Variants in CBLN2 observed in about 807,000 individuals in gnomAD.
CBLN2 encodes the protein cerebellin 2 precursor, also known as cerebellin-2.
Under a neutral mutation model 15.0 loss-of-function variants are expected in CBLN2, and 7 were observed. The ratio of observed to expected loss-of-function variants is 0.47; its 90% confidence interval spans 0.27 to 0.88. The LOEUF (loss-of-function observed/expected upper bound fraction) is 0.88, where lower values mean the gene tolerates loss of function less well. Ranked by LOEUF, CBLN2 falls within the 40% of genes least tolerant of loss-of-function variation. CBLN2 has a pLI of 0.14. For synonymous variants in CBLN2, 149 were observed against 135.2 expected (o/e 1.10, Z -0.71); for missense variants, 242 against 304.5 (o/e 0.79, Z 1.53).
intron 1 of CBLN2, among the ~76,000 whole-genome samples, chr18:72,571,201 T>C (rs2069330294): frequency 6.6e-6 from 1 of 152,166 alleles, no homozygotes; most frequent in South Asian, 2.1e-4. Context: ...TAATACTTAC[T>C]TTAAAGTCTG....
chr18:72,540,976 G>C (rs2069105003), intron 3 of CBLN2, among the ~76,000 whole-genome samples: 1 of 152,176 alleles, frequency 6.6e-6, no homozygotes, highest in Non-Finnish European at 1.5e-5. Context: ...AAAAACAACA[G>C]AAACCAGGCG....
At chr18:72,545,734 G>T (rs1188728834), upstream of CBLN2, among the ~76,000 whole-genome samples, 2 of 152,194 alleles carry the variant, frequency 1.3e-5, no homozygotes, top group African/African-American at 4.8e-5. Context: ...GTGAGACACA[G>T]ACATAATTAG....
chr18:72,573,532 ATATG>A (rs2069345135), intron 1 of CBLN2, among the ~76,000 whole-genome samples: 1 of 152,170 alleles, frequency 6.6e-6, no homozygotes, highest in Admixed American at 6.5e-5. Flanking sequence ...AGTTGGAAGC[ATATG>A]TATGTAACAG....
chr18:72,586,945 A>G (rs1322730667), intron 1 of CBLN2, among the ~76,000 whole-genome samples: 11 of 151,978 alleles, frequency 7.2e-5, no homozygotes, highest in Non-Finnish European at 1.2e-4. Context: ...TACTATAACT[A>G]TGATATATAT....
At position 72,592,137 on chromosome 18, in the gene CBLN2, T is replaced by A. The variant is rs182729945; in HGVS notation, c.15+46188A>T. On this transcript the variant is annotated intron_variant, in intron 1 of 2. Transcript: ENST00000581073. The stretch of plus-strand genomic sequence containing the variant: ...GACAAGTAGTGTACAAAGATTGATT[T>A]TTCTTTACATTCTCATCAGCATTTG... Among the ~76,000 whole-genome samples, 210 of 152,284 alleles carry A rather than the reference T, an allele frequency of 1.4e-3. 2 individuals are homozygous for A. Among genetic ancestry groups the A allele is most frequent in the Admixed American group, 0.01 (155 of 15,302 alleles).
chr18:72,631,945 A>C (rs574945094), intron 1 of CBLN2, among the ~76,000 whole-genome samples: 1 of 152,206 alleles, frequency 6.6e-6, no homozygotes, highest in African/African-American at 2.4e-5. Flanking sequence ...GATGTACTAA[A>C]ATATGCCTTT....
chr18:72,571,851 T>A (rs936110412), intron 1 of CBLN2, among the ~76,000 whole-genome samples: 1 of 152,116 alleles, frequency 6.6e-6, no homozygotes, highest in Non-Finnish European at 1.5e-5. Flanking sequence ...GAGAGACGAT[T>A]TTTTTTGATA....
intron 1 of CBLN2, among the ~76,000 whole-genome samples, chr18:72,614,323 T>C (rs1332484043): frequency 6.6e-6 from 1 of 152,204 alleles, no homozygotes; most frequent in African/African-American, 2.4e-5. Context: ...ACTTTTGTAG[T>C]CTCTATTTAT....
At chr18:72,612,971 A>G (rs886747368) in intron 1 of CBLN2, among the ~76,000 whole-genome samples, 3 of 152,156 alleles carry the variant, frequency 2.0e-5, no homozygotes, top group Non-Finnish European at 4.4e-5. Context: ...TGGGAGGGAG[A>G]ATCTTTTCCA....
chr18:72,626,528 C>T (rs1218552745), intron 1 of CBLN2, among the ~76,000 whole-genome samples: 1 of 151,920 alleles, frequency 6.6e-6, no homozygotes, highest in African/African-American at 2.4e-5. Context: ...GGTAAAACCC[C>T]GTCTCTACTA....
chr18:72,542,074 T>A lies in CBLN2; in HGVS notation c.87A>T (p.Gly29=), dbSNP rs1271012826. 1 of 1,554,060 alleles carries A rather than the reference T, an allele frequency of 6.4e-7. No individual in the cohort carries two copies. The highest frequency in any genetic ancestry group is 8.6e-7 in the Non-Finnish European group (1 of 1,161,594). The change falls in exon 3 of 5, where the codon GGA becomes GGT. Residue 29 remains glycine (G), a synonymous_variant. Coordinates refer to ENST00000269503, the MANE Select transcript of CBLN2 (RefSeq NM_182511.4). The part of the protein sequence containing the change: ...RGALREPGGC[G]SCLGVALALL... The stretch of plus-strand genomic sequence containing the variant: ...GGGCCAGCGCCACCCCCAGGCAGGA[T>A]CCGCAGCCGCCCGGCTCGCGCAGCG...
At chr18:72,630,547 C>CACA (rs1167450051) in intron 1 of CBLN2, among the ~76,000 whole-genome samples, 17 of 106,762 alleles carry the variant, frequency 1.6e-4, no homozygotes, top group African/African-American at 7.6e-4. Flanking sequence ...ACCCTCCCCC[C>CACA]CACACACACA....
intron 1 of CBLN2, among the ~76,000 whole-genome samples, chr18:72,578,400 C>A (rs1449173012): frequency 6.6e-6 from 1 of 152,048 alleles, no homozygotes. Flanking sequence ...GTAATGGAGA[C>A]ACCACCACCG....
chr18:72,541,580 T>A (rs978896042), intron 3 of CBLN2, among the ~76,000 whole-genome samples: 1 of 152,236 alleles, frequency 6.6e-6, no homozygotes, highest in Non-Finnish European at 1.5e-5. Context: ...GTCATCCAAG[T>A]GCCAAGTTAG....
At chr18:72,596,831 C>A (rs1475709163) in intron 1 of CBLN2, among the ~76,000 whole-genome samples, 1 of 152,134 alleles carries the variant, frequency 6.6e-6, no homozygotes, top group Non-Finnish European at 1.5e-5. Flanking sequence ...TTTTCTCTTG[C>A]TGTCTTTAAG....
upstream of CBLN2, among the ~76,000 whole-genome samples, chr18:72,548,610 A>G (rs1219440422): frequency 6.6e-6 from 1 of 152,146 alleles, no homozygotes; most frequent in Admixed American, 6.6e-5. Context: ...TAAGAGAAGT[A>G]TGGTTATCCC....
chr18:72,566,491 C>T (rs1023662806), intron 1 of CBLN2, among the ~76,000 whole-genome samples: 10 of 152,070 alleles, frequency 6.6e-5, no homozygotes, highest in African/African-American at 2.2e-4. Context: ...AGGATGAAAT[C>T]CTGTCATTTG....
At chr18:72,616,223 GC>G (rs1190089867) in intron 1 of CBLN2, among the ~76,000 whole-genome samples, 1 of 152,164 alleles carries the variant, frequency 6.6e-6, no homozygotes, top group Non-Finnish European at 1.5e-5. Context: ...GATAAGACCT[GC>G]TTTAGTCTTC....
At chr18:72,585,999 G>T (rs1351079368) in intron 1 of CBLN2, among the ~76,000 whole-genome samples, 2 of 152,222 alleles carry the variant, frequency 1.3e-5, no homozygotes, top group Admixed American at 6.5e-5. Flanking sequence ...GCCTGTGGGG[G>T]CAGGAGGGCT....
Sources: gnomAD v4.1 joint callset for allele counts (sites outside exome capture counted in the v4.1 genomes callset) on GRCh38, gnomAD v4.1.1 for gene constraint, MANE v1.5 for transcripts, NCBI Gene and HGNC (gene_info 2026-07-23, HGNC 2026-07-21) for gene names.